The following ASB9 variants were observed in gnomAD, a reference collection of about 807,000 sequenced individuals.
ASB9 encodes the protein ankyrin repeat and SOCS box containing 9.
A neutral mutation model predicts 16.6 loss-of-function variants in ASB9; 5 were observed. That is an observed-to-expected ratio of 0.30 (90% confidence interval 0.16 to 0.63). The LOEUF is 0.63. ASB9 is among the 30% of genes least tolerant of loss of function. The probability of loss-of-function intolerance (pLI) is 0.82; values close to 1 mark genes in which losing one functional copy is unlikely to be tolerated. For missense variants in ASB9, 216 were observed against 229.4 expected (o/e 0.94, Z 0.38); for synonymous variants, 100 against 86.4 (o/e 1.16, Z -0.87).
intron 1 of ASB9, among the ~76,000 whole-genome samples, chrX:15,268,873 C>G (rs1174778675): frequency 9.0e-6 from 1 of 110,657 alleles, no homozygotes; most frequent in African/African-American, 3.3e-5. Flanking sequence ...TGCTGCAACA[C>G]CAGCTTTCCC....
At chrX:15,260,836 C>A (rs1209887473) in intron 1 of ASB9, among the ~76,000 whole-genome samples, 1 of 112,206 alleles carries the variant, frequency 8.9e-6, no homozygotes, top group Non-Finnish European at 1.9e-5. Flanking sequence ...ACACATGAGG[C>A]CCGTCTGTCT....
chrX:15,257,160 A>T (rs1037589364), intron 2 of ASB9, among the ~76,000 whole-genome samples: 3 of 112,098 alleles, frequency 2.7e-5, no homozygotes, highest in African/African-American at 9.7e-5. Context: ...CTATAATCCC[A>T]GCACTTTGGG....
At chrX:15,259,829 A>C (rs1184238452) in intron 1 of ASB9, among the ~76,000 whole-genome samples, 1 of 112,744 alleles carries the variant, frequency 8.9e-6, no homozygotes, top group East Asian at 2.8e-4. Flanking sequence ...TTAAAATATT[A>C]TATAAAATTA....
rs1924467320 is a variant in ASB9, at chrX:15,244,165, AGTGGCT to A, written c.*335_*340del. The A allele has an allele frequency of 1.2e-5, 2 of 168,911 alleles. No homozygotes were observed. Among genetic ancestry groups the A allele is most frequent in the Non-Finnish European group, 2.2e-5 (2 of 91,445 alleles). The allele number at this position is 168,911 out of a possible 1,213,427, so 13.9% of individuals were successfully genotyped here. ...TCTGGAAAATTGGACATCTTGACCC[AGTGGCT>A]GTGAGGGCTAAATTAGATGATGCAG... On this transcript the variant is annotated 3_prime_UTR_variant, in exon 7 of 7. Coordinates refer to ENST00000380488, the MANE Select transcript of ASB9 (RefSeq NM_001031739.3).
chrX:15,257,977 C>CA (rs774255523), intron 2 of ASB9, among the ~76,000 whole-genome samples: 1 of 111,850 alleles, frequency 8.9e-6, no homozygotes, highest in East Asian at 2.8e-4. Context: ...AAGAGATGTG[C>CA]AGCAGGGCTA....
intron 1 of ASB9, among the ~76,000 whole-genome samples, chrX:15,266,229 G>A (rs1052981846): frequency 4.5e-5 from 5 of 111,959 alleles, no homozygotes; most frequent in Non-Finnish European, 9.4e-5. Context: ...GTGAGCCACC[G>A]TGCCCAGCCA....
At chrX:15,270,113 T>G, upstream of ASB9, 1 of 241,488 alleles carries the variant, frequency 4.1e-6, no homozygotes, top group Non-Finnish European at 6.8e-6. Context: ...CACACACACG[T>G]TTTACCTAAC....
intron 2 of ASB9, among the ~76,000 whole-genome samples, chrX:15,256,790 A>G (rs1602149115): frequency 9.3e-6 from 1 of 107,131 alleles, no homozygotes; most frequent in East Asian, 3.0e-4. Context: ...AAAAAAAAAA[A>G]AAAAGAAAGA....
chrX:15,245,718 T>C (rs1924607564), intron 6 of ASB9, among the ~76,000 whole-genome samples: 1 of 111,291 alleles, frequency 9.0e-6, no homozygotes, highest in South Asian at 3.8e-4. Flanking sequence ...TAAAGGCATG[T>C]GCCCGAGGTC....
chrX:15,265,721 C>T (rs1370176075), intron 1 of ASB9, among the ~76,000 whole-genome samples: 1 of 110,915 alleles, frequency 9.0e-6, no homozygotes, highest in East Asian at 2.8e-4. Flanking sequence ...CTGCAACCTC[C>T]GCCCTCCCAA....
intron 1 of ASB9, among the ~76,000 whole-genome samples, chrX:15,266,647 C>A (rs1005950276): frequency 1.8e-5 from 2 of 111,569 alleles, no homozygotes; most frequent in African/African-American, 3.3e-5. Flanking sequence ...GTATTAGGAA[C>A]TTTAGAAATC....
chrX:15,256,942 C>A (rs183795323), intron 2 of ASB9, among the ~76,000 whole-genome samples: 1 of 110,853 alleles, frequency 9.0e-6, no homozygotes, highest in Non-Finnish European at 1.9e-5. Flanking sequence ...TAGAAAGTAG[C>A]TTTGTCAATG....
intron 6 of ASB9, 76 bp downstream of exon 6, chrX:15,248,668 T>C: frequency 8.8e-7 from 1 of 1,135,580 alleles, no homozygotes; most frequent in Non-Finnish European, 1.2e-6. Context: ...GAGCCAGAAA[T>C]TGCCAAATAC....
intron 4 of ASB9, 114 bp downstream of exon 4, chrX:15,252,140 G>T: frequency 1.2e-6 from 1 of 851,452 alleles, no homozygotes; most frequent in Non-Finnish European, 1.6e-6. Context: ...TCCAGTCCTG[G>T]GACTCCATTT....
In ASB9 at chrX:15,252,271, T is replaced by C; in HGVS notation, c.416A>G (p.His139Arg). ...AGATTTACCTCTCCTAGCAGCTTCA[T>C]GGATGGGGGATGCCAGATCACTCTC... ...QPESDLASPI[H>R]EAARRGHVEC... Residue 139 changes from histidine (H) to arginine (R), a missense_variant, in exon 4 of 7, where the codon CAT becomes CGT. Physicochemically the swap from His to Arg is conservative, Grantham distance 29 (BLOSUM62 0). Transcript: ENST00000380488. 8.3e-7 allele frequency: 1 copy of C among 1,206,398 alleles called. No individual in the cohort carries two copies. Among genetic ancestry groups the C allele is most frequent in the Non-Finnish European group, 1.1e-6 (1 of 893,630 alleles).
Position 15,254,848 on chromosome X carries a change from A to T in ASB9, c.175-4T>A. On this transcript the variant is annotated splice_polypyrimidine_tract_variant and splice_region_variant and intron_variant, in intron 2 of 6. Coordinates refer to ENST00000380488, the MANE Select transcript of ASB9 (RefSeq NM_001031739.3). ...TGATGATGTTCACAGCCCACCCCTG[A>T]AGGAGGGGAAACAGTCAGAGTAAGG... The T allele has an allele frequency of 8.4e-7, 1 of 1,197,290 alleles. No homozygotes were observed. The highest frequency in any genetic ancestry group is 1.1e-6 in the Non-Finnish European group (1 of 882,943).
At chrX:15,255,984 A>C (rs1925502057) in intron 2 of ASB9, among the ~76,000 whole-genome samples, 1 of 111,451 alleles carries the variant, frequency 9.0e-6, no homozygotes, top group African/African-American at 3.3e-5. Flanking sequence ...TTTTCCTGAC[A>C]TTTAATTGTT....
In ASB9 at chrX:15,244,975, T is replaced by C. The variant is rs994454960; in HGVS notation, c.761-345A>G. 3.6e-5 allele frequency among the ~76,000 whole-genome samples: 4 copies of C among 112,167 alleles called. No individual in the cohort carries two copies. The South Asian group carries it at 1.5e-3, about 41-fold the overall frequency. On this transcript the variant is annotated intron_variant, in intron 6 of 6. Transcript: ENST00000380488. ...TAAAATTTATGTTTAATGGTGTTCT[T>C]TTATCTTTAAAAATAAGGGCATATT...
At position 15,261,829 on chromosome X, in the gene ASB9, T is replaced by C. The variant is rs545253337; in HGVS notation, c.95-2884A>G. Among the ~76,000 whole-genome samples the C allele has an allele frequency of 1.2e-3, 138 of 112,275 alleles. No individual in the cohort carries two copies. The South Asian group carries it at 0.014, about 11-fold the overall frequency. Reference sequence around the variant, plus strand: ...TACCATACAATACACCCATTTAATGTGTACAATTCAGCAGTTTTCAGTATA... The same window carrying C: ...TACCATACAATACACCCATTTAATGCGTACAATTCAGCAGTTTTCAGTATA... On this transcript the variant is annotated intron_variant, in intron 1 of 6. Transcript: ENST00000380488.
Sources: allele counts gnomAD v4.1 joint callset (sites outside exome capture counted in the v4.1 genomes callset), GRCh38; gene constraint gnomAD v4.1.1; transcripts MANE v1.5; gene names NCBI Gene and HGNC (gene_info 2026-07-23, HGNC 2026-07-21).